SNX6: variants seen among roughly 807,000 people sequenced by gnomAD.
SNX6 encodes sorting nexin 6.
A neutral mutation model predicts 63.0 loss-of-function variants in SNX6; 34 were observed. The ratio of observed to expected loss-of-function variants is 0.54; its 90% CI spans 0.41 to 0.72. The LOEUF is 0.72. Among genes scored for constraint, SNX6 ranks in the 30% least tolerant of loss-of-function variants. SNX6 has a pLI of 0.00. For missense variants in SNX6, 398 were observed against 471.4 expected (o/e 0.84, Z 1.44); for synonymous variants, 170 against 164.2 (o/e 1.04, Z -0.27).
Position 34,597,189 on chromosome 14 carries a change from C to A in SNX6, c.612+361G>T, listed in dbSNP as rs115391619. 6.5e-3 allele frequency among the ~76,000 whole-genome samples: 995 copies of A among 152,304 alleles called. 11 individuals are homozygous for A. The highest frequency in any genetic ancestry group is 0.023 in the African/African-American group (954 of 41,560). The stretch of plus-strand genomic sequence containing the variant: ...ACCTGCCCCATGGTAACCCCTTAAC[C>A]ACTCATGGAATACACGTGAATGGCA... On this transcript the variant is annotated intron_variant, in intron 7 of 13. Coordinates refer to ENST00000362031, the MANE Select transcript of SNX6 (RefSeq NM_152233.4).
At chr14:34,597,731 A>G in intron 6 of SNX6, 86 bp from the exon 7 acceptor site, 1 of 703,622 alleles carries the variant, frequency 1.4e-6, no homozygotes, top group South Asian at 1.7e-5. Flanking sequence ...TGGCAATCTC[A>G]AAAGGATCCT....
At chr14:34,582,605 C>T (rs1363053259) in intron 9 of SNX6, among the ~76,000 whole-genome samples, 1 of 151,810 alleles carries the variant, frequency 6.6e-6, no homozygotes, top group Non-Finnish European at 1.5e-5. Flanking sequence ...AGCCGCAGTG[C>T]AGTAGCGCCA....
intron 7 of SNX6, among the ~76,000 whole-genome samples, chr14:34,593,851 T>C (rs1459816916): frequency 6.6e-6 from 1 of 151,860 alleles, no homozygotes; most frequent in Non-Finnish European, 1.5e-5. Flanking sequence ...GTGCTGGAAT[T>C]ACAGATGTGA....
At chr14:34,598,621 G>A (rs1335214037) in intron 6 of SNX6, among the ~76,000 whole-genome samples, 1 of 152,210 alleles carries the variant, frequency 6.6e-6, no homozygotes, top group Non-Finnish European at 1.5e-5. Context: ...GACCTCAGGT[G>A]ATCCAACCAC....
At chr14:34,569,932 C>T (rs564381837) in intron 11 of SNX6, among the ~76,000 whole-genome samples, 1 of 152,312 alleles carries the variant, frequency 6.6e-6, no homozygotes, top group African/African-American at 2.4e-5. Context: ...GGTAACTCTA[C>T]ATCAAACCTT....
chr14:34,620,715 A>G (rs909819830), intron 2 of SNX6, among the ~76,000 whole-genome samples: 1 of 151,862 alleles, frequency 6.6e-6, no homozygotes, highest in African/African-American at 2.4e-5. Context: ...CTGAGGCAGG[A>G]GGATCACTTG....
At chr14:34,620,358 T>G (rs1883577004) in intron 2 of SNX6, among the ~76,000 whole-genome samples, 1 of 152,162 alleles carries the variant, frequency 6.6e-6, no homozygotes, top group Non-Finnish European at 1.5e-5. Flanking sequence ...CACACGCCTG[T>G]AGTCCCAGCT....
intron 2 of SNX6, among the ~76,000 whole-genome samples, chr14:34,621,120 T>G (rs376152964): frequency 6.6e-6 from 1 of 152,168 alleles, no homozygotes; most frequent in South Asian, 2.1e-4. Context: ...TGTTAATTTT[T>G]AGTTTTTGTA....
chr14:34,577,308 C>T (rs1379731452), intron 10 of SNX6, among the ~76,000 whole-genome samples: 1 of 151,854 alleles, frequency 6.6e-6, no homozygotes, highest in African/African-American at 2.4e-5. Flanking sequence ...AGGCTGGTCT[C>T]GAACTCCTGA....
At chr14:34,576,386 ATGAAC>A (rs933086480) in intron 10 of SNX6, among the ~76,000 whole-genome samples, 6 of 61,032 alleles carry the variant, frequency 9.8e-5, no homozygotes, top group Admixed American at 7.4e-4. Flanking sequence ...CTCACATAAA[ATGAAC>A]AGAAAAAAGA....
intron 11 of SNX6, among the ~76,000 whole-genome samples, chr14:34,573,475 G>A (rs117177426): frequency 0.019 from 2,949 of 151,924 alleles, 55 homozygotes; most frequent in South Asian, 0.036. Context: ...CTCAGGACGC[G>A]GAGGCAGGAG....
At chr14:34,593,864 C>A (rs962688662) in intron 7 of SNX6, among the ~76,000 whole-genome samples, 6 of 152,046 alleles carry the variant, frequency 3.9e-5, no homozygotes, top group African/African-American at 1.2e-4. Flanking sequence ...AGATGTGACC[C>A]ACCACGCCCA....
At chr14:34,564,907 G>A (rs1249536010) in intron 13 of SNX6, among the ~76,000 whole-genome samples, 1 of 151,420 alleles carries the variant, frequency 6.6e-6, no homozygotes, top group Non-Finnish European at 1.5e-5. Context: ...AACTTTTTGT[G>A]TAAAAGGCTA....
chr14:34,610,406 T>C (rs1010048611), intron 2 of SNX6, among the ~76,000 whole-genome samples: 3 of 151,236 alleles, frequency 2.0e-5, no homozygotes, highest in African/African-American at 7.3e-5. Flanking sequence ...AACCCTATTT[T>C]CCAAGAAAGT....
Position 34,610,553 on chromosome 14 carries a change from A to G in SNX6, c.55-811T>C, listed in dbSNP as rs532927313. ...ATATACAATGAAACTATCAAATATAATTAAACATATTAATGTAAAGTGCTA... is the reference window on the plus strand; with the variant it reads ...ATATACAATGAAACTATCAAATATAGTTAAACATATTAATGTAAAGTGCTA... On this transcript the variant is annotated intron_variant, in intron 2 of 13. Transcript: ENST00000362031. 9.8e-5 allele frequency among the ~76,000 whole-genome samples: 15 copies of G among 152,312 alleles called. No individual in the cohort carries two copies. The East Asian group carries it at 2.9e-3, about 29-fold the overall frequency.
At chr14:34,615,922 A>AT (rs1352878467) in intron 2 of SNX6, among the ~76,000 whole-genome samples, 1 of 152,084 alleles carries the variant, frequency 6.6e-6, no homozygotes, top group Non-Finnish European at 1.5e-5. Flanking sequence ...CTAGATGCAT[A>AT]TTTTTTATAA....
At chr14:34,614,456 A>C (rs1370596953) in intron 2 of SNX6, among the ~76,000 whole-genome samples, 1 of 151,496 alleles carries the variant, frequency 6.6e-6, no homozygotes, top group Non-Finnish European at 1.5e-5. Flanking sequence ...AAACCAAAAA[A>C]CTCCAAAACC....
intron 2 of SNX6, among the ~76,000 whole-genome samples, chr14:34,623,091 AG>A (rs1883687589): frequency 6.6e-6 from 1 of 152,202 alleles, no homozygotes; most frequent in South Asian, 2.1e-4. Flanking sequence ...GTCTCAGGGC[AG>A]GAACTTTGTC....
At position 34,626,529 on chromosome 14, in the gene SNX6, T is replaced by A. The variant is rs1883831799; in HGVS notation, c.54+3378A>T. ...AATGCAAAAAATTAGCCGGGCACGG[T>A]CGCGCACTCCTGTAGTCCCAGCTAC... On this transcript the variant is annotated intron_variant, in intron 2 of 13. Coordinates refer to ENST00000362031, the MANE Select transcript of SNX6 (RefSeq NM_152233.4). Among the ~76,000 whole-genome samples, 3 of 150,094 alleles carry A rather than the reference T, an allele frequency of 2.0e-5. No homozygotes were observed. The South Asian group carries it at 6.3e-4, about 32-fold the overall frequency.
Sources: allele counts gnomAD v4.1 joint callset (sites outside exome capture counted in the v4.1 genomes callset), GRCh38; gene constraint gnomAD v4.1.1; transcripts MANE v1.5; gene names NCBI Gene and HGNC (gene_info 2026-07-23, HGNC 2026-07-21).